Variants in CNTNAP5 observed in about 807,000 individuals in gnomAD.
CNTNAP5 encodes contactin-associated protein-like 5.
CNTNAP5 carries 72 observed loss-of-function variants against 150.2 expected under a neutral mutation model. That is an observed-to-expected ratio of 0.48 (90% CI 0.40 to 0.58). The LOEUF is 0.58. Among genes scored for constraint, CNTNAP5 ranks in the 20% least tolerant of loss-of-function variants. The pLI is 0.00. For synonymous variants in CNTNAP5, 672 were observed against 619.8 expected (o/e 1.08, Z -1.25); for missense variants, 1,636 against 1,626.2 (o/e 1.01, Z -0.10).
rs1682981514 is a variant in CNTNAP5, at chr2:124,098,063, G to T, written c.82+72331G>T. Among the ~76,000 whole-genome samples the T allele has an allele frequency of 2.6e-5, 4 of 152,072 alleles. No homozygotes were observed. The East Asian group carries it at 7.8e-4, about 29-fold the overall frequency. The stretch of plus-strand genomic sequence containing the variant: ...AATAAATAGATAAAAAAACAAAAAA[G>T]CCTTTGACTCCCGAAAAACTTAACT... On this transcript the variant is annotated intron_variant, in intron 1 of 23. Transcript: ENST00000682447.
intron 19 of CNTNAP5, among the ~76,000 whole-genome samples, chr2:124,847,146 G>A (rs1044612392): frequency 6.6e-6 from 1 of 152,148 alleles, no homozygotes; most frequent in African/African-American, 2.4e-5. Context: ...GAGTATTCAG[G>A]ATTTTCAGGT....
intron 13 of CNTNAP5, among the ~76,000 whole-genome samples, chr2:124,720,979 T>C (rs988162397): frequency 7.9e-5 from 12 of 152,162 alleles, no homozygotes; most frequent in Admixed American, 6.6e-5. Flanking sequence ...TGGTCCATGC[T>C]CTTTGGCACA....
intron 3 of CNTNAP5, among the ~76,000 whole-genome samples, chr2:124,341,859 AGGTTATAT>A (rs1689625892): frequency 6.6e-6 from 1 of 152,148 alleles, no homozygotes; most frequent in African/African-American, 2.4e-5. Context: ...ATTTCCCTGA[AGGTTATAT>A]CAAGCTGACC....
intron 12 of CNTNAP5, among the ~76,000 whole-genome samples, chr2:124,640,421 A>G (rs960416794): frequency 6.6e-6 from 1 of 152,200 alleles, no homozygotes; most frequent in African/African-American, 2.4e-5. Context: ...CGGTGTCTGC[A>G]TGGCACTAAT....
At chr2:124,859,339 C>G (rs544442377) in intron 19 of CNTNAP5, among the ~76,000 whole-genome samples, 20 of 152,260 alleles carry the variant, frequency 1.3e-4, no homozygotes, top group Non-Finnish European at 2.5e-4. Flanking sequence ...CAGAGAAATG[C>G]AAATCAAAAC....
intron 13 of CNTNAP5, among the ~76,000 whole-genome samples, chr2:124,713,300 TC>T (rs1401698798): frequency 1.2e-3 from 153 of 122,964 alleles, no homozygotes; most frequent in Admixed American, 2.6e-3. Flanking sequence ...TTTCTTTCTT[TC>T]TTCTTTCTCT....
chr2:124,611,313 GGTGA>G (rs1677380324), intron 12 of CNTNAP5, among the ~76,000 whole-genome samples: 1 of 152,212 alleles, frequency 6.6e-6, no homozygotes, highest in African/African-American at 2.4e-5. Flanking sequence ...GGAAAGAAAT[GGTGA>G]GTAAGGAAGC....
chr2:124,464,744 C>T (rs961401883), intron 6 of CNTNAP5, among the ~76,000 whole-genome samples: 6 of 152,066 alleles, frequency 3.9e-5, no homozygotes, highest in African/African-American at 1.4e-4. Flanking sequence ...GAATTTTTGT[C>T]CTCATTTGTA....
At chr2:124,881,003 C>T (rs149067477) in intron 21 of CNTNAP5, among the ~76,000 whole-genome samples, 4 of 152,006 alleles carry the variant, frequency 2.6e-5, no homozygotes, top group Non-Finnish European at 5.9e-5. Flanking sequence ...AGGATAGAAA[C>T]AGTAAATAGG....
At chr2:124,264,395 C>G (rs946484848) in intron 3 of CNTNAP5, among the ~76,000 whole-genome samples, 1,227 of 90,444 alleles carry the variant, frequency 0.014, 11 homozygotes, top group Admixed American at 0.023. Context: ...CACATACACA[C>G]ACACACACAC....
In CNTNAP5 at chr2:124,428,957, TC is replaced by T. The variant is rs534505372; in HGVS notation, c.530-5526del. Among the ~76,000 whole-genome samples, 11 of 152,310 alleles carry T rather than the reference TC, an allele frequency of 7.2e-5. No individual in the cohort carries two copies. The South Asian group carries it at 2.1e-3, about 29-fold the overall frequency. Reference sequence around the variant, plus strand: ...CCCATGTCTACCCTTTTTACTCCTTTCTACACACTTTCTTTTTTTCCTTTTA... The same window carrying T: ...CCCATGTCTACCCTTTTTACTCCTTTTACACACTTTCTTTTTTTCCTTTTA... On this transcript the variant is annotated intron_variant, in intron 4 of 23. Coordinates refer to ENST00000682447, the MANE Select transcript of CNTNAP5 (RefSeq NM_001367498.1).
At position 124,216,381 on chromosome 2, in the gene CNTNAP5, A is replaced by T. The variant is rs542541106; in HGVS notation, c.83-5324A>T. ...CAGAGTTTTTTTTTAAGTTTAAAAA[A>T]TTCTTTTTTTTAAAATTATTATTAT... is the stretch of plus-strand genomic sequence containing the variant. On this transcript the variant is annotated intron_variant, in intron 1 of 23. Coordinates refer to ENST00000682447, the MANE Select transcript of CNTNAP5 (RefSeq NM_001367498.1). 2.0e-4 allele frequency among the ~76,000 whole-genome samples: 30 copies of T among 152,202 alleles called. 2 individuals are homozygous for T. In the South Asian group the frequency reaches 5.2e-3, roughly 26 times the overall value.
chr2:124,830,023 G>T (rs919580138), intron 19 of CNTNAP5, among the ~76,000 whole-genome samples: 27 of 151,380 alleles, frequency 1.8e-4, no homozygotes, highest in African/African-American at 5.8e-4. Context: ...TACCATATTA[G>T]ATTTCTATGA....
chr2:124,708,366 A>G (rs1679738027), intron 13 of CNTNAP5, among the ~76,000 whole-genome samples: 1 of 152,178 alleles, frequency 6.6e-6, no homozygotes, highest in Non-Finnish European at 1.5e-5. Flanking sequence ...GCTAGAGTCA[A>G]TGAAGGAGCT....
chr2:124,747,301 G>C lies in CNTNAP5; in HGVS notation c.2150G>C (p.Gly717Ala). 6.2e-7 allele frequency: 1 copy of C among 1,613,802 alleles called. No individual in the cohort carries two copies. Among genetic ancestry groups the C allele is most frequent in the Non-Finnish European group, 8.5e-7 (1 of 1,179,772 alleles). The change falls in exon 14 of 24, where the codon GGG (glycine) becomes GCG (alanine). Residue 717 changes from glycine to alanine, a missense_variant. Gly to Ala is a moderately conservative substitution (Grantham distance 60, BLOSUM62 0). Coordinates refer to ENST00000682447, the MANE Select transcript of CNTNAP5 (RefSeq NM_001367498.1). ...RHPYWGGSPP[G>A]VQQCECGLDE... ...CCTTACTGGGGAGGTTCCCCTCCTGGGGTCCAGCAGTGTGAGTGTGGCCTA... is the reference window on the plus strand; with the variant it reads ...CCTTACTGGGGAGGTTCCCCTCCTGCGGTCCAGCAGTGTGAGTGTGGCCTA...
chr2:124,911,140 A>T (rs990462557), intron 22 of CNTNAP5, among the ~76,000 whole-genome samples: 3 of 151,710 alleles, frequency 2.0e-5, no homozygotes, highest in African/African-American at 7.3e-5. Context: ...CATGCATAGG[A>T]ATAGGAACTG....
chr2:124,309,333 T>A (rs1312548575), intron 3 of CNTNAP5, among the ~76,000 whole-genome samples: 1 of 152,076 alleles, frequency 6.6e-6, no homozygotes, highest in East Asian at 1.9e-4. Flanking sequence ...TAAATGTGAG[T>A]ATTGATTTAC....
chr2:124,145,841 A>AT (rs1684237169), intron 1 of CNTNAP5, among the ~76,000 whole-genome samples: 2 of 91,606 alleles, frequency 2.2e-5, no homozygotes, highest in African/African-American at 7.9e-5. Flanking sequence ...AGAAAAAAAA[A>AT]AAAAATAAAA....
chr2:124,094,316 A>G (rs182792382), intron 1 of CNTNAP5, among the ~76,000 whole-genome samples: 1 of 152,302 alleles, frequency 6.6e-6, no homozygotes, highest in East Asian at 1.9e-4. Context: ...TTCCAAAATT[A>G]TACGATTTGG....
Sources: gnomAD v4.1 joint callset for allele counts (sites outside exome capture counted in the v4.1 genomes callset) on GRCh38, gnomAD v4.1.1 for gene constraint, MANE v1.5 for transcripts, NCBI Gene and HGNC (gene_info 2026-07-23, HGNC 2026-07-21) for gene names.